Variants in CACNA1E observed in about 807,000 individuals in gnomAD.
CACNA1E encodes the protein voltage-dependent R-type calcium channel subunit alpha-1E.
CACNA1E carries 40 observed loss-of-function variants against 259.2 expected under a neutral mutation model. That is an observed-to-expected ratio of 0.15 (90% CI 0.12 to 0.20). The LOEUF (loss-of-function observed/expected upper bound fraction) is 0.20. CACNA1E is among the 10% of genes least tolerant of loss of function. The pLI is 1.00. For missense variants in CACNA1E, 1,874 were observed against 3,040.1 expected, an observed-to-expected ratio of 0.62 and a Z score of 9.02; for synonymous variants, 1,104 against 1,138.5, an observed-to-expected ratio of 0.97 and a Z score of 0.61.
intron 1 of CACNA1E, among the ~76,000 whole-genome samples, chr1:181,379,546 A>C (rs934141905): frequency 2.6e-5 from 4 of 152,188 alleles, no homozygotes; most frequent in African/African-American, 9.7e-5. Context: ...GTAGGCTGGT[A>C]AACGTGAGAT....
At chr1:181,633,684 G>T (rs1656953683) in intron 6 of CACNA1E, among the ~76,000 whole-genome samples, 1 of 152,046 alleles carries the variant, frequency 6.6e-6, no homozygotes, top group South Asian at 2.1e-4. Context: ...TAGAGACAGG[G>T]TTTCACCAAG....
intron 2 of CACNA1E, among the ~76,000 whole-genome samples, chr1:181,477,956 C>G (rs1662972825): frequency 6.6e-6 from 1 of 152,224 alleles, no homozygotes; most frequent in Non-Finnish European, 1.5e-5. Context: ...CCTTACCTCT[C>G]TAAAGCTCAA....
rs564605497 is a variant in CACNA1E, at chr1:181,608,411, A to T, written c.951+27635A>T. On this transcript the variant is annotated intron_variant, in intron 6 of 47. Transcript: ENST00000367573. ...AGTTGGCAGGAATGACCAAACCATG[A>T]TTGTCAGGCTTGGAAGACTGGGCTT... Among the ~76,000 whole-genome samples, 10 of 152,318 alleles carry T rather than the reference A, an allele frequency of 6.6e-5. No individual in the cohort carries two copies. The South Asian group carries it at 2.1e-3, about 32-fold the overall frequency.
At chr1:181,613,599 C>G (rs1314586924) in intron 6 of CACNA1E, among the ~76,000 whole-genome samples, 1 of 152,118 alleles carries the variant, frequency 6.6e-6, no homozygotes, top group African/African-American at 2.4e-5. Flanking sequence ...AGACTGGCAG[C>G]TGGTGTTTAT....
At chr1:181,361,311 G>A (rs1653870713) in intron 1 of CACNA1E, among the ~76,000 whole-genome samples, 1 of 151,930 alleles carries the variant, frequency 6.6e-6, no homozygotes, top group Admixed American at 6.6e-5. Context: ...GAAATATGGA[G>A]GTGGGCTTGG....
At chr1:181,657,648 A>G (rs1019602337) in intron 7 of CACNA1E, among the ~76,000 whole-genome samples, 11 of 152,264 alleles carry the variant, frequency 7.2e-5, no homozygotes, top group Non-Finnish European at 1.6e-4. Flanking sequence ...AAGAATATTC[A>G]TCTAACATCC....
At chr1:181,723,634 A>C (rs1379150172) in intron 16 of CACNA1E, among the ~76,000 whole-genome samples, 1 of 152,168 alleles carries the variant, frequency 6.6e-6, no homozygotes, top group Non-Finnish European at 1.5e-5. Flanking sequence ...TGACGATTGC[A>C]TGCCTCAGGT....
At chr1:181,753,005 C>T (rs1023873029) in intron 27 of CACNA1E, among the ~76,000 whole-genome samples, 2 of 152,204 alleles carry the variant, frequency 1.3e-5, no homozygotes, top group African/African-American at 4.8e-5. Flanking sequence ...AGCTGAGGCT[C>T]CATGGGAGGA....
At chr1:181,375,808 T>C (rs1042788813) in intron 1 of CACNA1E, among the ~76,000 whole-genome samples, 6 of 152,310 alleles carry the variant, frequency 3.9e-5, no homozygotes, top group African/African-American at 1.4e-4. Flanking sequence ...CTGATTCCCT[T>C]GATGAGGCTG....
intron 1 of CACNA1E, among the ~76,000 whole-genome samples, chr1:181,327,203 CT>C (rs1425683685): frequency 6.6e-6 from 1 of 152,184 alleles, no homozygotes; most frequent in Non-Finnish European, 1.5e-5. Flanking sequence ...ACTCTGGAAC[CT>C]TTGGCAAATC....
upstream of CACNA1E, chr1:181,483,501 CTTTTTTTTT>C: frequency 4.8e-6 from 1 of 210,512 alleles, no homozygotes; most frequent in East Asian, 8.6e-5. Context: ...TTTCTTTTTT[CTTTTTTTTT>C]TTTTTCCTTC....
chr1:181,638,306 C>T (rs1657424203), intron 6 of CACNA1E, among the ~76,000 whole-genome samples: 1 of 152,172 alleles, frequency 6.6e-6, no homozygotes. Context: ...TGAAGCAACA[C>T]AACATTGGAA....
chr1:181,527,847 A>G (rs943965120), intron 3 of CACNA1E, among the ~76,000 whole-genome samples: 4 of 152,050 alleles, frequency 2.6e-5, no homozygotes, highest in Non-Finnish European at 5.9e-5. Flanking sequence ...ACACCTTAAT[A>G]TTTATTGTAA....
chr1:181,487,650 G>T (rs1257252660), intron 1 of CACNA1E, among the ~76,000 whole-genome samples: 1 of 152,108 alleles, frequency 6.6e-6, no homozygotes, highest in Non-Finnish European at 1.5e-5. Context: ...CTGGCAGTTG[G>T]CTGTTCTGAG....
chr1:181,748,268 A>T (rs1657283382), intron 25 of CACNA1E, among the ~76,000 whole-genome samples: 1 of 152,202 alleles, frequency 6.6e-6, no homozygotes, highest in Non-Finnish European at 1.5e-5. Flanking sequence ...ACCATTAAGG[A>T]ACCCTGTTTT....
chr1:181,501,298 G>A (rs1665229960), intron 1 of CACNA1E, among the ~76,000 whole-genome samples: 2 of 152,202 alleles, frequency 1.3e-5, no homozygotes, highest in Non-Finnish European at 1.5e-5. Flanking sequence ...AGACAGTACT[G>A]TCTTATTTTC....
chr1:181,695,758 G>A lies in CACNA1E; in HGVS notation c.1056-15196G>A, dbSNP rs1007339747. On this transcript the variant is annotated intron_variant, in intron 7 of 47. Transcript: ENST00000367573. ...GCGAATCACTTGAGGTCAGGAGTTC[G>A]AGACCAGCCAACATGGCGAAACCCC... 3.3e-5 allele frequency among the ~76,000 whole-genome samples: 5 copies of A among 152,138 alleles called. No homozygotes were observed. In the East Asian group the frequency reaches 7.7e-4, roughly 23 times the overall value.
At chr1:181,491,491 A>C (rs1664312431) in intron 1 of CACNA1E, among the ~76,000 whole-genome samples, 1 of 152,202 alleles carries the variant, frequency 6.6e-6, no homozygotes, top group Admixed American at 6.5e-5. Context: ...ATTGCTGTAC[A>C]TGGTTTTGTT....
intron 1 of CACNA1E, among the ~76,000 whole-genome samples, chr1:181,383,940 G>A (rs1272413522): frequency 6.6e-6 from 1 of 152,224 alleles, no homozygotes; most frequent in Non-Finnish European, 1.5e-5. Flanking sequence ...CTGCCCAACA[G>A]AACTTTCCAC....
Sources: gnomAD v4.1 joint callset for allele counts (sites outside exome capture counted in the v4.1 genomes callset) on GRCh38, gnomAD v4.1.1 for gene constraint, MANE v1.5 for transcripts, NCBI Gene and HGNC (gene_info 2026-07-23, HGNC 2026-07-21) for gene names.